The following TPRG1 variants were observed in gnomAD, a reference collection of about 807,000 sequenced individuals.
The protein encoded by TPRG1 is tumor protein p63 regulated 1.
TPRG1 carries 29 observed loss-of-function variants against 29.3 expected under a neutral mutation model. The ratio of observed to expected loss-of-function variants is 0.99; its 90% CI spans 0.74 to 1.35. The LOEUF is 1.35. Ranked by LOEUF, TPRG1 falls within the 40% of genes most tolerant of loss-of-function variation. The pLI, the probability that TPRG1 is intolerant of heterozygous loss-of-function variation, is 0.00. For missense variants in TPRG1, 327 were observed against 335.0 expected, an observed-to-expected ratio of 0.98 and a Z score of 0.19; for synonymous variants, 130 against 116.8, an observed-to-expected ratio of 1.11 and a Z score of -0.73.
At chr3:189,076,304 G>C (rs1717166540) in intron 4 of TPRG1, among the ~76,000 whole-genome samples, 1 of 152,188 alleles carries the variant, frequency 6.6e-6, no homozygotes, top group African/African-American at 2.4e-5. Context: ...ACACTGGGCT[G>C]TAAGTAAAAT....
At chr3:189,160,551 T>A (rs1727333125) in intron 5 of TPRG1, among the ~76,000 whole-genome samples, 1 of 152,208 alleles carries the variant, frequency 6.6e-6, no homozygotes, top group African/African-American at 2.4e-5. Context: ...AAGATTATGT[T>A]TACCTTGAGC....
chr3:189,015,015 G>A (rs1455001222), intron 3 of TPRG1, among the ~76,000 whole-genome samples: 3 of 152,222 alleles, frequency 2.0e-5, no homozygotes, highest in Admixed American at 6.5e-5. Flanking sequence ...GGGGTCAGAA[G>A]AAGATAAGAT....
In TPRG1 at chr3:189,238,828, T is replaced by G. The variant is rs773056505; in HGVS notation, c.398T>G (p.Val133Gly). The change falls in exon 4 of 6, where the codon GTG (valine) becomes GGG (glycine). Residue 133 changes from valine (V) to glycine (G), a missense_variant. By Grantham distance (109) the Val-to-Gly change is moderately radical. Coordinates refer to ENST00000345063, the MANE Select transcript of TPRG1 (RefSeq NM_198485.4). ...TACGACTTCATCATGCTGAGTTGTG[T>G]GCAGCTGCAGCGGATTCCTCTGAGC... ...CKYDFIMLSC[V>G]QLQRIPLSAV... The G allele has an allele frequency of 1.2e-6, 2 of 1,613,820 alleles. No homozygotes were observed. The highest frequency in any genetic ancestry group is 2.2e-5 in the South Asian group (2 of 91,070).
intron 1 of TPRG1, among the ~76,000 whole-genome samples, chr3:189,176,027 T>A (rs191524594): frequency 1.4e-4 from 22 of 152,186 alleles, no homozygotes; most frequent in Non-Finnish European, 2.6e-4. Context: ...ATCGTAAATA[T>A]ATGCATGCTC....
intron 4 of TPRG1, among the ~76,000 whole-genome samples, chr3:189,042,259 G>A (rs571958745): frequency 4.6e-5 from 7 of 151,994 alleles, no homozygotes; most frequent in Non-Finnish European, 1.0e-4. Flanking sequence ...GAACTATCAA[G>A]AATATATTTC....
intron 4 of TPRG1, among the ~76,000 whole-genome samples, chr3:189,244,761 G>T (rs755850602): frequency 8.5e-5 from 13 of 152,078 alleles, no homozygotes; most frequent in Non-Finnish European, 1.9e-4. Flanking sequence ...AATTGGTGGG[G>T]ACACAGATCC....
intron 3 of TPRG1, among the ~76,000 whole-genome samples, chr3:189,146,296 A>G (rs1725255445): frequency 6.6e-6 from 1 of 152,148 alleles, no homozygotes; most frequent in South Asian, 2.1e-4. Context: ...TGTGACCTCC[A>G]CCTTCAGTTA....
intron 1 of TPRG1, among the ~76,000 whole-genome samples, chr3:189,181,230 C>T (rs971274358): frequency 1.3e-5 from 2 of 152,180 alleles, no homozygotes; most frequent in Non-Finnish European, 2.9e-5. Flanking sequence ...GCCCTGGAGA[C>T]ATTTTCCCCA....
intron 4 of TPRG1, among the ~76,000 whole-genome samples, chr3:189,308,682 T>G (rs1721993544): frequency 6.6e-6 from 1 of 152,224 alleles, no homozygotes; most frequent in African/African-American, 2.4e-5. Flanking sequence ...ATTTGAGGTT[T>G]CCCTAAGGTA....
chr3:189,189,990 A>G (rs944679314), intron 1 of TPRG1, among the ~76,000 whole-genome samples: 3 of 152,192 alleles, frequency 2.0e-5, no homozygotes, highest in African/African-American at 4.8e-5. Context: ...GCCCATTTAA[A>G]AGGGAAGATA....
At chr3:189,263,065 C>T (rs1442115290) in intron 4 of TPRG1, among the ~76,000 whole-genome samples, 1 of 152,230 alleles carries the variant, frequency 6.6e-6, no homozygotes. Flanking sequence ...ACTTCTGCCA[C>T]ATTCTGTGTC....
At chr3:189,104,582 G>A (rs539099060) in intron 1 of TPRG1, among the ~76,000 whole-genome samples, 9 of 151,916 alleles carry the variant, frequency 5.9e-5, no homozygotes, top group Admixed American at 3.3e-4. Context: ...AGAAAGCCCC[G>A]ATTTGTACCT....
chr3:189,212,589 G>C (rs1325326532), intron 2 of TPRG1, among the ~76,000 whole-genome samples: 2 of 151,790 alleles, frequency 1.3e-5, no homozygotes, highest in East Asian at 3.9e-4. Flanking sequence ...CTTTATGAGA[G>C]CAGAGGACTA....
At chr3:189,130,102 C>T (rs976232428) in intron 2 of TPRG1, among the ~76,000 whole-genome samples, 2 of 152,172 alleles carry the variant, frequency 1.3e-5, no homozygotes, top group African/African-American at 2.4e-5. Context: ...GCAAGCTCAG[C>T]TCTGAGTAAT....
chr3:189,206,072 T>G (rs1174214349), intron 1 of TPRG1, among the ~76,000 whole-genome samples: 1 of 115,640 alleles, frequency 8.6e-6, no homozygotes. Context: ...TCTTTTTTCT[T>G]TCTTTCTTTT....
At chr3:189,140,955 A>G (rs1381597880) in intron 3 of TPRG1, among the ~76,000 whole-genome samples, 1 of 152,180 alleles carries the variant, frequency 6.6e-6, no homozygotes, top group African/African-American at 2.4e-5. Context: ...ACCAGGTCCT[A>G]CCTGGTGATG....
chr3:189,135,485 C>T (rs924463170), intron 3 of TPRG1, among the ~76,000 whole-genome samples: 1 of 152,216 alleles, frequency 6.6e-6, no homozygotes, highest in African/African-American at 2.4e-5. Flanking sequence ...AGTCCTCTTA[C>T]ACCCAGTCTT....
At chr3:189,258,207 T>A (rs1163042461) in intron 4 of TPRG1, among the ~76,000 whole-genome samples, 4 of 152,014 alleles carry the variant, frequency 2.6e-5, no homozygotes, top group Admixed American at 6.6e-5. Context: ...CTTTTTTTTT[T>A]TATATTGATG....
intron 3 of TPRG1, among the ~76,000 whole-genome samples, chr3:189,236,822 T>C (rs6777676): frequency 0.62 from 94,792 of 151,984 alleles, 31,784 homozygotes; most frequent in African/African-American, 0.88. Context: ...TGTATCTTCT[T>C]CTCTGTGTCC....
Sources: gnomAD v4.1 joint callset for allele counts (sites outside exome capture counted in the v4.1 genomes callset) on GRCh38, gnomAD v4.1.1 for gene constraint, MANE v1.5 for transcripts, NCBI Gene and HGNC (gene_info 2026-07-23, HGNC 2026-07-21) for gene names.